Variants in FILIP1L observed in about 807,000 individuals in gnomAD.
The protein encoded by FILIP1L is filamin A-interacting protein 1-like.
In FILIP1L, 55 loss-of-function variants were observed where a neutral mutation model predicts 96.6. That is an observed-to-expected ratio of 0.57 (90% CI 0.46 to 0.71). FILIP1L has a LOEUF of 0.71. FILIP1L is among the 30% of genes least tolerant of loss of function. The pLI is 0.00. For missense variants in FILIP1L, 1,304 were observed against 1,321.2 expected (o/e 0.99, Z 0.20); for synonymous variants, 467 against 473.9 (o/e 0.99, Z 0.19).
intron 1 of FILIP1L, among the ~76,000 whole-genome samples, chr3:100,089,299 GTTGCATT>G (rs1262609760): frequency 2.6e-5 from 4 of 152,050 alleles, no homozygotes; most frequent in Non-Finnish European, 5.9e-5. Context: ...TTAGAGTTCA[GTTGCATT>G]TTCTATTACT....
At chr3:100,058,049 T>A (rs1305171851) in intron 1 of FILIP1L, among the ~76,000 whole-genome samples, 1 of 152,186 alleles carries the variant, frequency 6.6e-6, no homozygotes, top group Non-Finnish European at 1.5e-5. Context: ...CTCAAAGTAA[T>A]CCCAGGCAAT....
chr3:100,010,191 G>C, intron 1 of FILIP1L: 1 of 906,736 alleles, frequency 1.1e-6, no homozygotes, highest in South Asian at 5.1e-5. Flanking sequence ...GTAAAGTATT[G>C]CTATTTTTAT....
At chr3:99,922,767 C>T (rs1707164450) in intron 4 of FILIP1L, among the ~76,000 whole-genome samples, 1 of 152,180 alleles carries the variant, frequency 6.6e-6, no homozygotes, top group African/African-American at 2.4e-5. Flanking sequence ...ACAAAATAAT[C>T]TACCCTACAT....
intron 1 of FILIP1L, among the ~76,000 whole-genome samples, chr3:100,075,904 TCA>T (rs2065842868): frequency 6.6e-6 from 1 of 152,198 alleles, no homozygotes; most frequent in Non-Finnish European, 1.5e-5. Flanking sequence ...AGGATTCGAT[TCA>T]GGAGAGCTGA....
At chr3:100,056,087 G>C (rs2065459421) in intron 1 of FILIP1L, among the ~76,000 whole-genome samples, 1 of 152,154 alleles carries the variant, frequency 6.6e-6, no homozygotes, top group East Asian at 1.9e-4. Flanking sequence ...GCAAGCTATG[G>C]TATACCAAGG....
intron 4 of FILIP1L, among the ~76,000 whole-genome samples, chr3:99,856,866 C>T (rs1036431198): frequency 3.3e-5 from 5 of 152,148 alleles, no homozygotes; most frequent in African/African-American, 1.2e-4. Flanking sequence ...TCATATAATA[C>T]ACATATGAAA....
At chr3:99,950,693 A>G (rs1210045573) in intron 1 of FILIP1L, among the ~76,000 whole-genome samples, 1 of 152,160 alleles carries the variant, frequency 6.6e-6, no homozygotes, top group Non-Finnish European at 1.5e-5. Flanking sequence ...GCAGCCCACG[A>G]TTCTCTTTAC....
chr3:99,856,302 A>G (rs577841629), intron 4 of FILIP1L, among the ~76,000 whole-genome samples: 16 of 152,380 alleles, frequency 1.1e-4, no homozygotes, highest in Admixed American at 9.8e-4. Context: ...CACAAAGAGT[A>G]TAGGTATGAA....
chr3:100,025,119 C>T (rs531511974), intron 1 of FILIP1L, among the ~76,000 whole-genome samples: 2 of 152,144 alleles, frequency 1.3e-5, no homozygotes, highest in South Asian at 2.1e-4. Flanking sequence ...TAATCGAGGC[C>T]GTAAGATTTC....
chr3:99,880,554 T>G (rs1045133635), intron 4 of FILIP1L, among the ~76,000 whole-genome samples: 1 of 152,194 alleles, frequency 6.6e-6, no homozygotes, highest in Non-Finnish European at 1.5e-5. Flanking sequence ...CATATGTACC[T>G]TGAGAAGTGA....
rs554028697 is a variant in FILIP1L, at chr3:99,887,911, T to C, written c.605+36319A>G. Among the ~76,000 whole-genome samples, 5 of 152,090 alleles carry C rather than the reference T, an allele frequency of 3.3e-5. No individual in the cohort carries two copies. The South Asian group carries it at 1.0e-3, about 32-fold the overall frequency. On this transcript the variant is annotated intron_variant, in intron 4 of 5. Transcript: ENST00000477258. ...TGTGCACCACCACACCTGGCTAATT[T>C]TTTTTTTCCATAAAGATGGGGTTTT...
chr3:99,998,934 T>C (rs562922356), intron 1 of FILIP1L, among the ~76,000 whole-genome samples: 14 of 152,344 alleles, frequency 9.2e-5, no homozygotes, highest in Middle Eastern at 3.4e-3. Context: ...CTCCACTATC[T>C]TTGGCATAAA....
chr3:100,020,143 T>A (rs2064781902), intron 1 of FILIP1L, among the ~76,000 whole-genome samples: 2 of 152,242 alleles, frequency 1.3e-5, no homozygotes, highest in Non-Finnish European at 1.5e-5. Context: ...AAGTGGCATT[T>A]AATGTCTTCA....
At chr3:99,962,313 G>A (rs1056674251) in intron 1 of FILIP1L, among the ~76,000 whole-genome samples, 2 of 152,188 alleles carry the variant, frequency 1.3e-5, no homozygotes, top group African/African-American at 2.4e-5. Flanking sequence ...TGATGGGAGA[G>A]TGGAAGATGA....
intron 1 of FILIP1L, among the ~76,000 whole-genome samples, chr3:100,014,874 C>CTT (rs200759774): frequency 8.5e-4 from 24 of 28,192 alleles, no homozygotes; most frequent in African/African-American, 1.2e-3. Context: ...TTTTTCTTTT[C>CTT]TTTTTTTTTT....
At chr3:99,843,182 T>G (rs1321310578) in intron 5 of FILIP1L, among the ~76,000 whole-genome samples, 1 of 152,238 alleles carries the variant, frequency 6.6e-6, no homozygotes. Flanking sequence ...CTGCCTTATT[T>G]AATGTGTGTT....
chr3:99,909,844 TG>T (rs1450522724), intron 4 of FILIP1L, among the ~76,000 whole-genome samples: 1 of 152,234 alleles, frequency 6.6e-6, no homozygotes, highest in African/African-American at 2.4e-5. Flanking sequence ...GAGTAGGTGA[TG>T]AAAGTCACAG....
At chr3:100,041,295 A>G (rs1299257866) in intron 1 of FILIP1L, 1 of 152,200 alleles carries the variant, frequency 6.6e-6, no homozygotes, top group Non-Finnish European at 1.5e-5. Context: ...CTCTTTAGAA[A>G]AGCAAAATTA....
chr3:100,031,374 G>A (rs754364042), intron 1 of FILIP1L, among the ~76,000 whole-genome samples: 1 of 151,834 alleles, frequency 6.6e-6, no homozygotes, highest in Non-Finnish European at 1.5e-5. Context: ...TGTTACCCTC[G>A]TTTCCACTCA....
Sources: allele counts gnomAD v4.1 joint callset (sites outside exome capture counted in the v4.1 genomes callset), GRCh38; gene constraint gnomAD v4.1.1; transcripts MANE v1.5; gene names NCBI Gene and HGNC (gene_info 2026-07-23, HGNC 2026-07-21).